APP: variants seen among roughly 807,000 people sequenced by gnomAD.
APP encodes amyloid beta precursor protein.
In APP, 31 loss-of-function variants were observed where a neutral mutation model predicts 101.4. The observed-to-expected ratio is 0.31, with a 90% CI of 0.23 to 0.41. The LOEUF (loss-of-function observed/expected upper bound fraction) is 0.41, where lower values mean the gene tolerates loss of function less well. APP is among the 10% of genes least tolerant of loss of function. The pLI, the probability that APP is intolerant of heterozygous loss-of-function variation, is 1.00. For synonymous variants in APP, 366 were observed against 364.4 expected (o/e 1.00, Z -0.05); for missense variants, 839 against 1,003.7 (o/e 0.84, Z 2.22).
At chr21:25,883,637 G>A (rs1282076220) in intron 17 of APP, among the ~76,000 whole-genome samples, 2 of 152,354 alleles carry the variant, frequency 1.3e-5, no homozygotes, top group Admixed American at 6.5e-5. Flanking sequence ...AGGCTGCAGT[G>A]AGCCAAGATC....
intron 13 of APP, chr21:25,935,031 C>T (rs903743994): frequency 6.6e-6 from 1 of 152,212 alleles, no homozygotes; most frequent in African/African-American, 2.4e-5. Context: ...CAGTTTCAAA[C>T]ACTTTGTAAA....
chr21:26,004,106 T>C (rs1283423292), intron 6 of APP, among the ~76,000 whole-genome samples: 2 of 152,178 alleles, frequency 1.3e-5, no homozygotes, highest in Non-Finnish European at 2.9e-5. Context: ...CTAATGCTTT[T>C]ACACAAAGTA....
intron 1 of APP, among the ~76,000 whole-genome samples, chr21:26,161,176 G>A (rs2063484933): frequency 6.6e-6 from 1 of 152,180 alleles, no homozygotes; most frequent in Non-Finnish European, 1.5e-5. Context: ...ATAGAAAAGT[G>A]TGTGATCACA....
At position 26,077,062 on chromosome 21, in the gene APP, C is replaced by CA. The variant is rs35080722; in HGVS notation, c.355+12880dup. The stretch of plus-strand genomic sequence containing the variant: ...TGGGCGACAGAGTGAGACTCTGTCT[C>CA]AAAAAAAAAAAAAAAAGAAAGAAAG... On this transcript the variant is annotated intron_variant, in intron 3 of 17. Coordinates refer to ENST00000346798, the MANE Select transcript of APP (RefSeq NM_000484.4). Among the ~76,000 whole-genome samples the CA allele has an allele frequency of 2.5e-4, 28 of 110,100 alleles. 1 individual carries two copies. The highest frequency in any genetic ancestry group is 9.4e-4 in the East Asian group (4 of 4,236). The allele number at this position is 110,100 out of a possible 152,430, so 72.2% of individuals were successfully genotyped here.
chr21:26,112,292 T>A, intron 1 of APP, 146 bp from the exon 2 acceptor site: 1 of 808,712 alleles, frequency 1.2e-6, no homozygotes, highest in Non-Finnish European at 2.1e-6. Context: ...TCCTTTAGAT[T>A]AAGTGTTATG....
intron 3 of APP, among the ~76,000 whole-genome samples, chr21:26,072,456 T>C (rs576734951): frequency 6.6e-5 from 10 of 152,308 alleles, no homozygotes; most frequent in African/African-American, 2.2e-4. Flanking sequence ...AAAAGATATT[T>C]TGCAAAAAAT....
chr21:26,087,893 GTAATTA>G (rs1277570798), intron 3 of APP, among the ~76,000 whole-genome samples: 2 of 152,194 alleles, frequency 1.3e-5, no homozygotes, highest in Non-Finnish European at 2.9e-5. Context: ...CAGTCTCCGT[GTAATTA>G]TAATATTATT....
chr21:26,101,061 G>A (rs949025126), intron 2 of APP, among the ~76,000 whole-genome samples: 2 of 150,860 alleles, frequency 1.3e-5, no homozygotes, highest in Non-Finnish European at 2.9e-5. Flanking sequence ...AGAGAGGCTG[G>A]AAGAGCCTGT....
intron 8 of APP, among the ~76,000 whole-genome samples, chr21:25,988,272 T>G (rs1271407917): frequency 1.3e-5 from 2 of 152,148 alleles, no homozygotes; most frequent in Non-Finnish European, 2.9e-5. Context: ...GGGGACATCA[T>G]GTACAGCCTT....
At position 25,881,883 on chromosome 21, in the gene APP, C is replaced by T. The variant is rs2829966; in HGVS notation, c.2212-112G>A. On this transcript the variant is annotated intron_variant, in intron 17 of 17. Coordinates refer to ENST00000346798, the MANE Select transcript of APP (RefSeq NM_000484.4). ...CAGTACTCTTCTTTTGCCAAGATTG[C>T]AGAACACCCATAATTTTCTCCCCCA... 589,961 of 1,089,980 alleles carry T rather than the reference C, an allele frequency of 0.54. 160,544 individuals are homozygous for T. The highest frequency in any genetic ancestry group is 0.68 in the African/African-American group (43,504 of 64,396). The allele number at this position is 1,089,980 out of a possible 1,614,324, so 67.5% of individuals were successfully genotyped here.
In APP at chr21:25,880,621, A is replaced by C. The variant is rs201471700; in HGVS notation, c.*1049T>G. ...CAAATTGAAGACACATCTTAAAAGAAGGGTTTGTCCAGGCATGCCTTCCTC... is the reference window on the plus strand; with the variant it reads ...CAAATTGAAGACACATCTTAAAAGACGGGTTTGTCCAGGCATGCCTTCCTC... On this transcript the variant is annotated 3_prime_UTR_variant, in exon 18 of 18. Transcript: ENST00000346798. 6.6e-6 allele frequency: 1 copy of C among 152,246 alleles called. No homozygotes were observed. Among genetic ancestry groups the C allele is most frequent in the Non-Finnish European group, 1.5e-5 (1 of 68,046 alleles). The allele number at this position is 152,246 out of a possible 1,614,324, so 9.4% of individuals were successfully genotyped here.
intron 13 of APP, among the ~76,000 whole-genome samples, chr21:25,944,094 C>T (rs1304072637): frequency 6.6e-6 from 1 of 151,734 alleles, no homozygotes; most frequent in Non-Finnish European, 1.5e-5. Flanking sequence ...CAAGTTGTTG[C>T]CAAGCACTGT....
intron 17 of APP, among the ~76,000 whole-genome samples, chr21:25,882,665 G>A (rs1366584893): frequency 6.6e-6 from 1 of 151,920 alleles, no homozygotes; most frequent in East Asian, 1.9e-4. Flanking sequence ...CTCCCCGTTC[G>A]CAGAAGAGAG....
intron 11 of APP, among the ~76,000 whole-genome samples, chr21:25,962,576 T>C (rs2041626593): frequency 6.6e-6 from 1 of 152,206 alleles, no homozygotes; most frequent in African/African-American, 2.4e-5. Flanking sequence ...AATACTGACA[T>C]TAATAAACCT....
chr21:26,092,147 T>C (rs1046670950), intron 2 of APP, among the ~76,000 whole-genome samples: 1 of 152,252 alleles, frequency 6.6e-6, no homozygotes, highest in African/African-American at 2.4e-5. Context: ...TTGTTCATCA[T>C]GGAGTTTTTT....
intron 17 of APP, among the ~76,000 whole-genome samples, chr21:25,882,048 A>G (rs1440209649): frequency 6.6e-6 from 1 of 152,114 alleles, no homozygotes; most frequent in Non-Finnish European, 1.5e-5. Flanking sequence ...ACTCCACAGT[A>G]AGTGGATAAA....
At chr21:25,952,296 G>C (rs938236717) in intron 13 of APP, among the ~76,000 whole-genome samples, 1 of 151,136 alleles carries the variant, frequency 6.6e-6, no homozygotes, top group African/African-American at 2.4e-5. Flanking sequence ...TGTGCACAAC[G>C]TGCAGGTCTG....
chr21:25,935,745 C>T (rs1484988115), intron 13 of APP, among the ~76,000 whole-genome samples: 1 of 144,482 alleles, frequency 6.9e-6, no homozygotes, highest in Non-Finnish European at 1.5e-5. Flanking sequence ...GAGGCTGAGG[C>T]AGGAGAATCA....
intron 3 of APP, among the ~76,000 whole-genome samples, chr21:26,059,878 G>A (rs929715023): frequency 9.3e-6 from 1 of 107,968 alleles, no homozygotes; most frequent in East Asian, 4.1e-4. Flanking sequence ...GCGAAAGAGC[G>A]AGACTCCGTC....
Sources: gnomAD v4.1 joint callset for allele counts (sites outside exome capture counted in the v4.1 genomes callset) on GRCh38, gnomAD v4.1.1 for gene constraint, MANE v1.5 for transcripts, NCBI Gene and HGNC (gene_info 2026-07-23, HGNC 2026-07-21) for gene names.